The following ATG14 variants were observed in gnomAD, a reference collection of about 807,000 sequenced individuals.
The protein encoded by ATG14 is autophagy related 14.
A neutral mutation model predicts 60.4 loss-of-function variants in ATG14; 35 were observed. The ratio of observed to expected loss-of-function variants is 0.58; its 90% CI spans 0.44 to 0.77. The LOEUF (loss-of-function observed/expected upper bound fraction) is 0.77, where lower values mean the gene tolerates loss of function less well. ATG14 is among the 30% of genes least tolerant of loss of function. The pLI, the probability that ATG14 is intolerant of heterozygous loss-of-function variation, is 0.00. For missense variants in ATG14, 647 were observed against 626.3 expected, an observed-to-expected ratio of 1.03 and a Z score of -0.35; for synonymous variants, 234 against 228.8, an observed-to-expected ratio of 1.02 and a Z score of -0.21.
intron 3 of ATG14, among the ~76,000 whole-genome samples, chr14:55,392,407 G>A (rs1885233346): frequency 6.6e-6 from 1 of 152,046 alleles, no homozygotes; most frequent in Non-Finnish European, 1.5e-5. Context: ...CTAGACTTTG[G>A]GAAGCTGAGG....
chr14:55,397,346 A>G, intron 2 of ATG14, 26 bp downstream of exon 2: 1 of 1,602,490 alleles, frequency 6.2e-7, no homozygotes, highest in Non-Finnish European at 8.5e-7. Flanking sequence ...ACCTCCACAA[A>G]TTAAAAGACA....
chr14:55,405,315 T>C (rs1362608213), intron 1 of ATG14, among the ~76,000 whole-genome samples: 1 of 152,204 alleles, frequency 6.6e-6, no homozygotes, highest in Non-Finnish European at 1.5e-5. Flanking sequence ...AAATCTGCAA[T>C]AATATTTAAA....
chr14:55,378,125 A>G lies in ATG14; in HGVS notation c.996-51T>C, dbSNP rs988426022. 2.6e-6 allele frequency: 4 copies of G among 1,516,418 alleles called. No individual in the cohort carries two copies. The African/African-American group carries it at 5.5e-5, about 21-fold the overall frequency. 93.9% of individuals were successfully genotyped at this position (1,516,418 alleles called of 1,614,324 possible). A position where few individuals can be genotyped will look rare whatever the true frequency, so the allele number is the denominator to read the frequency against. Reference sequence around the variant, plus strand: ...AAGTTGCATTTTTTGAGGAAATTCTATGTTAAAATTTCCATTTACAGTACA... The same window carrying G: ...AAGTTGCATTTTTTGAGGAAATTCTGTGTTAAAATTTCCATTTACAGTACA... On this transcript the variant is annotated intron_variant, in intron 7 of 9. Coordinates refer to ENST00000247178, the MANE Select transcript of ATG14 (RefSeq NM_014924.5).
intron 3 of ATG14, 21 bp from the exon 4 acceptor site, chr14:55,391,013 A>G: frequency 6.4e-7 from 1 of 1,567,384 alleles, no homozygotes; most frequent in South Asian, 1.1e-5. Flanking sequence ...CATGTAATAA[A>G]TATCACAAAC....
chr14:55,409,621 C>T (rs1410039975), intron 1 of ATG14, among the ~76,000 whole-genome samples: 1 of 151,490 alleles, frequency 6.6e-6, no homozygotes, highest in East Asian at 1.9e-4. Context: ...TCCTGGCTGT[C>T]TAAATACCAC....
chr14:55,392,715 C>T (rs1200175441), intron 3 of ATG14, among the ~76,000 whole-genome samples: 1 of 151,490 alleles, frequency 6.6e-6, no homozygotes, highest in Non-Finnish European at 1.5e-5. Context: ...TCTAATGACT[C>T]CGTAAAGTGA....
At chr14:55,383,514 A>G (rs1259160149) in intron 5 of ATG14, among the ~76,000 whole-genome samples, 2 of 151,988 alleles carry the variant, frequency 1.3e-5, no homozygotes, top group African/African-American at 4.8e-5. Flanking sequence ...TCATGCCACT[A>G]CACTCCAGCC....
chr14:55,385,780 A>G, intron 5 of ATG14, 79 bp downstream of exon 5: 1 of 1,227,566 alleles, frequency 8.1e-7, no homozygotes, highest in South Asian at 1.5e-5. Context: ...ATAAGACCCA[A>G]TAAATAAGGT....
rs556977633 is a variant in ATG14 at position 55,410,638 on chromosome 14, G to A, written c.221+964C>T. On this transcript the variant is annotated intron_variant, in intron 1 of 9. Transcript: ENST00000247178. ...GATATAAAGTCTAGTGGTTAAGTGC[G>A]GGTACATAGGTCCAAGCTGTCTGAA... is the stretch of plus-strand genomic sequence containing the variant. 2.0e-5 allele frequency among the ~76,000 whole-genome samples: 3 copies of A among 152,282 alleles called. No homozygotes were observed. The East Asian group carries it at 5.8e-4, about 29-fold the overall frequency.
intron 7 of ATG14, among the ~76,000 whole-genome samples, chr14:55,379,679 G>C (rs1219627849): frequency 1.3e-5 from 2 of 152,206 alleles, no homozygotes; most frequent in Non-Finnish European, 2.9e-5. Flanking sequence ...GTAGTAGGAA[G>C]ATTGTAGTGC....
At chr14:55,377,791 T>C in intron 9 of ATG14, 28 bp downstream of exon 9, 2 of 1,501,560 alleles carry the variant, frequency 1.3e-6, no homozygotes, top group Non-Finnish European at 9.0e-7. Context: ...CAAAAACACT[T>C]AGAGAAAAGC....
intron 1 of ATG14, among the ~76,000 whole-genome samples, chr14:55,405,212 C>T (rs941473106): frequency 6.6e-5 from 10 of 152,182 alleles, no homozygotes; most frequent in East Asian, 1.9e-4. Context: ...TAGATTTTTA[C>T]GGGCCACAGT....
intron 4 of ATG14, 34 bp from the exon 5 acceptor site, chr14:55,386,130 C>T (rs968367399): frequency 6.4e-7 from 1 of 1,564,640 alleles, no homozygotes; most frequent in Admixed American, 1.8e-5. Context: ...ACAATTATCT[C>T]TGCAAACAGT....
At chr14:55,403,113 T>A (rs143160952) in intron 1 of ATG14, among the ~76,000 whole-genome samples, 7 of 150,554 alleles carry the variant, frequency 4.6e-5, no homozygotes, top group Non-Finnish European at 8.9e-5. Context: ...AGTGAGAACC[T>A]GTCTCTCAAA....
At chr14:55,388,828 T>G (rs1167493332) in intron 4 of ATG14, among the ~76,000 whole-genome samples, 2 of 152,106 alleles carry the variant, frequency 1.3e-5, no homozygotes, top group Non-Finnish European at 2.9e-5. Flanking sequence ...CCCTGGCAAG[T>G]CATCAGAACC....
chr14:55,383,706 A>G (rs952204073), intron 5 of ATG14, among the ~76,000 whole-genome samples: 4 of 151,994 alleles, frequency 2.6e-5, no homozygotes, highest in African/African-American at 7.2e-5. Context: ...GAATGGTGCT[A>G]TAATCATACC....
At chr14:55,388,959 C>G (rs1371301694) in intron 4 of ATG14, among the ~76,000 whole-genome samples, 1 of 150,602 alleles carries the variant, frequency 6.6e-6, no homozygotes, top group Non-Finnish European at 1.5e-5. Context: ...TTTTTTTTTT[C>G]AACATGGCGA....
chr14:55,386,946 A>G (rs1291898770), intron 4 of ATG14, among the ~76,000 whole-genome samples: 1 of 152,172 alleles, frequency 6.6e-6, no homozygotes, highest in Non-Finnish European at 1.5e-5. Flanking sequence ...CAGTTTCCCT[A>G]CTTCAAGATT....
At chr14:55,376,954 T>G (rs903939209) in intron 9 of ATG14, among the ~76,000 whole-genome samples, 1 of 152,196 alleles carries the variant, frequency 6.6e-6, no homozygotes, top group Non-Finnish European at 1.5e-5. Flanking sequence ...TATTTTTTGT[T>G]TAACTGTTTT....
Sources: gnomAD v4.1 joint callset for allele counts (sites outside exome capture counted in the v4.1 genomes callset) on GRCh38, gnomAD v4.1.1 for gene constraint, MANE v1.5 for transcripts, NCBI Gene and HGNC (gene_info 2026-07-23, HGNC 2026-07-21) for gene names.